The following CCSER2 variants were observed in gnomAD, a reference collection of about 807,000 sequenced individuals.
The protein encoded by CCSER2 is serine-rich coiled-coil domain-containing protein 2.
In CCSER2, 46 loss-of-function variants were observed where a neutral mutation model predicts 92.3. The observed-to-expected ratio is 0.50, with a 90% CI of 0.39 to 0.64. The LOEUF is 0.64. Among genes scored for constraint, CCSER2 ranks in the 30% least tolerant of loss-of-function variants. CCSER2 has a pLI of 0.00. For synonymous variants in CCSER2, 433 were observed against 431.4 expected, an observed-to-expected ratio of 1.00 and a Z score of -0.04; for missense variants, 1,244 against 1,238.9, an observed-to-expected ratio of 1.00 and a Z score of -0.06.
At chr10:84,492,350 C>T (rs916264632) in intron 9 of CCSER2, among the ~76,000 whole-genome samples, 2 of 151,618 alleles carry the variant, frequency 1.3e-5, no homozygotes, top group Admixed American at 6.6e-5. Flanking sequence ...TTAGTAAACT[C>T]ACTTATAAGT....
chr10:84,435,547 T>C (rs1457235625), intron 5 of CCSER2, among the ~76,000 whole-genome samples: 1 of 150,706 alleles, frequency 6.6e-6, no homozygotes, highest in Non-Finnish European at 1.5e-5. Flanking sequence ...GCTTTTGTCA[T>C]GTGACAGCTA....
chr10:84,471,070 A>G (rs1846763222), intron 8 of CCSER2, among the ~76,000 whole-genome samples: 1 of 152,128 alleles, frequency 6.6e-6, no homozygotes, highest in Non-Finnish European at 1.5e-5. Flanking sequence ...CCTAAAAATC[A>G]CAACACTCAA....
At chr10:84,420,382 T>G (rs924771437) in intron 4 of CCSER2, among the ~76,000 whole-genome samples, 1 of 152,198 alleles carries the variant, frequency 6.6e-6, no homozygotes, top group Non-Finnish European at 1.5e-5. Context: ...AGAACATGGA[T>G]CTAAAATATG....
At position 84,487,854 on chromosome 10, in the gene CCSER2, G is replaced by C. The variant is rs367751481; in HGVS notation, c.2325+10190G>C. Among the ~76,000 whole-genome samples the C allele has an allele frequency of 2.3e-4, 35 of 152,256 alleles. No individual in the cohort carries two copies. The South Asian group carries it at 3.3e-3, about 14-fold the overall frequency. On this transcript the variant is annotated intron_variant, in intron 9 of 9. Coordinates refer to ENST00000372088, the MANE Select transcript of CCSER2 (RefSeq NM_001284240.2). ...GGAATGCTTCCAGTTTTTGCCCATT[G>C]AGTATGATATTGGCTGTGGGTTTTT...
chr10:84,353,142 T>C (rs1007928619), intron 1 of CCSER2, among the ~76,000 whole-genome samples: 1 of 152,186 alleles, frequency 6.6e-6, no homozygotes, highest in South Asian at 2.1e-4. Context: ...ATATACCTAC[T>C]TGGTAAAAAT....
chr10:84,428,863 T>G (rs1329001301), intron 5 of CCSER2, among the ~76,000 whole-genome samples: 1 of 151,940 alleles, frequency 6.6e-6, no homozygotes, highest in Non-Finnish European at 1.5e-5. Context: ...GAGATAATCT[T>G]TTTTTTCCGC....
chr10:84,509,866 T>C (rs1020909063), intron 9 of CCSER2, among the ~76,000 whole-genome samples: 1 of 152,186 alleles, frequency 6.6e-6, no homozygotes, highest in Non-Finnish European at 1.5e-5. Flanking sequence ...CTTTTTTGGA[T>C]ACAAGCCAAT....
intron 1 of CCSER2, among the ~76,000 whole-genome samples, chr10:84,351,227 AG>A (rs1288535640): frequency 6.6e-5 from 10 of 151,840 alleles, no homozygotes; most frequent in African/African-American, 2.4e-4. Context: ...TATAGGGAGA[AG>A]TTTTTTTGTT....
intron 3 of CCSER2, among the ~76,000 whole-genome samples, chr10:84,399,812 T>TG (rs1470515178): frequency 6.6e-6 from 1 of 151,456 alleles, no homozygotes; most frequent in Non-Finnish European, 1.5e-5. Flanking sequence ...TTTTTTTTTT[T>TG]TTTGAGAGAT....
At chr10:84,448,568 A>T (rs903059107) in intron 6 of CCSER2, among the ~76,000 whole-genome samples, 3 of 152,230 alleles carry the variant, frequency 2.0e-5, no homozygotes, top group African/African-American at 7.2e-5. Flanking sequence ...AGGAGAATTT[A>T]AAAAAAGTAT....
rs1420195795 is a variant in CCSER2 at position 84,514,093 on chromosome 10, AAAAC to A, written c.2980_2983del (p.Asn994AlafsTer4). ...GCCCCCCCTCAGGCTCTTTCAAACAAAAACAAACAAACAGCCCCCAACTAGAGCC... is the reference window on the plus strand; with the variant it reads ...GCCCCCCCTCAGGCTCTTTCAAACAAAAACAAACAGCCCCCAACTAGAGCC... On this transcript the variant is annotated frameshift_variant, in exon 10 of 10. Transcript: ENST00000372088. LOFTEE classifies it high-confidence loss of function. 2.2e-5 allele frequency: 34 copies of A among 1,536,056 alleles called. No homozygotes were observed. The highest frequency in any genetic ancestry group is 4.1e-5 in the African/African-American group (3 of 72,998).
intron 5 of CCSER2, among the ~76,000 whole-genome samples, chr10:84,433,458 A>G (rs1351215779): frequency 6.6e-6 from 1 of 150,936 alleles, no homozygotes; most frequent in Non-Finnish European, 1.5e-5. Flanking sequence ...CACATACACA[A>G]GTATACACAC....
intron 3 of CCSER2, among the ~76,000 whole-genome samples, chr10:84,394,497 CCAGTTGG>C (rs1841718138): frequency 6.6e-6 from 1 of 150,712 alleles, no homozygotes; most frequent in South Asian, 2.1e-4. Flanking sequence ...GCAAGTTTTA[CCAGTTGG>C]CCAAGGAAAT....
In CCSER2 at chr10:84,515,283, A is replaced by G. The variant is rs1344848624; in HGVS notation, c.*1016A>G. 1 of 152,648 alleles carries G rather than the reference A, an allele frequency of 6.6e-6. No homozygotes were observed. Among genetic ancestry groups the G allele is most frequent in the East Asian group, 1.9e-4 (1 of 5,194 alleles). The allele number at this position is 152,648 out of a possible 1,614,324, so 9.5% of individuals were successfully genotyped here. On this transcript the variant is annotated 3_prime_UTR_variant, in exon 10 of 10. Transcript: ENST00000372088. ...TTGATGGGGTATAAATATACCATAT[A>G]TAGGGATTGTAAACTATTTTCTATA...
At chr10:84,491,157 G>T (rs1848138853) in intron 9 of CCSER2, among the ~76,000 whole-genome samples, 1 of 152,214 alleles carries the variant, frequency 6.6e-6, no homozygotes, top group African/African-American at 2.4e-5. Flanking sequence ...CCTACTGGGG[G>T]GTGCCTCCCA....
At position 84,443,366 on chromosome 10, in the gene CCSER2, A is replaced by G. The variant is rs565319487; in HGVS notation, c.2064+4659A>G. Among the ~76,000 whole-genome samples the G allele has an allele frequency of 5.9e-5, 9 of 152,322 alleles. No homozygotes were observed. In the East Asian group the frequency reaches 1.4e-3, roughly 23 times the overall value. On this transcript the variant is annotated intron_variant, in intron 6 of 9. Coordinates refer to ENST00000372088, the MANE Select transcript of CCSER2 (RefSeq NM_001284240.2). ...AACAGACACTTCTCGAAAGAAGACA[A>G]TTATGCAGCCAACAAACATGAAAAA... is the stretch of plus-strand genomic sequence containing the variant.
chr10:84,408,754 T>C (rs1278378114), intron 3 of CCSER2, among the ~76,000 whole-genome samples: 1 of 152,184 alleles, frequency 6.6e-6, no homozygotes, highest in Non-Finnish European at 1.5e-5. Flanking sequence ...CAACACTATA[T>C]TGCTTTGGAT....
At chr10:84,443,339 T>C (rs1017059517) in intron 6 of CCSER2, among the ~76,000 whole-genome samples, 3 of 152,076 alleles carry the variant, frequency 2.0e-5, no homozygotes, top group Admixed American at 1.3e-4. Flanking sequence ...GCAAAGGATA[T>C]GAACAGACAC....
chr10:84,397,675 T>C (rs947302086), intron 3 of CCSER2, among the ~76,000 whole-genome samples: 1 of 152,210 alleles, frequency 6.6e-6, no homozygotes, highest in Non-Finnish European at 1.5e-5. Flanking sequence ...AAAAGTAAAT[T>C]TTAAAAGGCT....
Sources: allele counts gnomAD v4.1 joint callset (sites outside exome capture counted in the v4.1 genomes callset), GRCh38; gene constraint gnomAD v4.1.1; transcripts MANE v1.5; gene names NCBI Gene and HGNC (gene_info 2026-07-23, HGNC 2026-07-21).